Variants in PARD3B observed in about 807,000 individuals in gnomAD.
The protein encoded by PARD3B is partitioning defective 3 homolog B.
A neutral mutation model predicts 130.2 loss-of-function variants in PARD3B; 103 were observed. The observed-to-expected ratio is 0.79, with a 90% CI of 0.67 to 0.93. The LOEUF is 0.93. PARD3B is among the 40% of genes least tolerant of loss of function. The pLI, the probability that PARD3B is intolerant of heterozygous loss-of-function variation, is 0.00. For missense variants in PARD3B, 1,609 were observed against 1,499.2 expected, an observed-to-expected ratio of 1.07 and a Z score of -1.21; for synonymous variants, 583 against 553.2, an observed-to-expected ratio of 1.05 and a Z score of -0.76.
chr2:204,981,360 A>G (rs560699782), intron 3 of PARD3B, among the ~76,000 whole-genome samples: 1 of 152,230 alleles, frequency 6.6e-6, no homozygotes, highest in Non-Finnish European at 1.5e-5. Flanking sequence ...GTGTATGCAT[A>G]CAATGGAATA....
At chr2:205,384,817 C>G (rs1267113809) in intron 18 of PARD3B, among the ~76,000 whole-genome samples, 1 of 151,990 alleles carries the variant, frequency 6.6e-6, no homozygotes, top group Non-Finnish European at 1.5e-5. Flanking sequence ...AAGTGTAAAG[C>G]AAACAAAATT....
At chr2:204,753,519 A>AAACGGAAC (rs1186214626) in intron 2 of PARD3B, among the ~76,000 whole-genome samples, 1 of 148,494 alleles carries the variant, frequency 6.7e-6, no homozygotes, top group Non-Finnish European at 1.5e-5. Flanking sequence ...CAGTATAAAT[A>AAACGGAAC]AACGGAACCC....
intron 18 of PARD3B, among the ~76,000 whole-genome samples, chr2:205,316,794 T>C (rs773538999): frequency 2.6e-5 from 4 of 152,176 alleles, no homozygotes; most frequent in Non-Finnish European, 5.9e-5. Context: ...CTAGGTAAAA[T>C]GGAGAAATCT....
chr2:205,206,317 C>T (rs1422636602), intron 15 of PARD3B, among the ~76,000 whole-genome samples: 1 of 150,488 alleles, frequency 6.6e-6, no homozygotes, highest in Non-Finnish European at 1.5e-5. Flanking sequence ...CTGCACCCAC[C>T]AACTCGTCAT....
chr2:205,317,992 A>T (rs2042617087), intron 18 of PARD3B, among the ~76,000 whole-genome samples: 1 of 152,172 alleles, frequency 6.6e-6, no homozygotes, highest in Non-Finnish European at 1.5e-5. Flanking sequence ...AAGAATTCTT[A>T]AAAATATTAT....
chr2:205,291,256 C>G lies in PARD3B; in HGVS notation c.2186-9274C>G, dbSNP rs1020842356. 1.3e-5 allele frequency among the ~76,000 whole-genome samples: 2 copies of G among 152,184 alleles called. No individual in the cohort carries two copies. Among genetic ancestry groups the G allele is most frequent in the African/African-American group, 4.8e-5 (2 of 41,524 alleles). On this transcript the variant is annotated intron_variant, in intron 16 of 22. Transcript: ENST00000406610. The surrounding 1 kb of genome is among the most constrained non-coding windows in gnomAD (Gnocchi z 4.6). The stretch of plus-strand genomic sequence containing the variant: ...AAACAAACAAAAAAAGCAACAGCAA[C>G]GACAAAAAACACCAACACCACCAAC...
At chr2:205,528,770 G>A (rs546165419) in intron 21 of PARD3B, among the ~76,000 whole-genome samples, 37 of 152,214 alleles carry the variant, frequency 2.4e-4, no homozygotes, top group Middle Eastern at 3.4e-3. Context: ...GATTACAGGC[G>A]TGAGCCACCG....
intron 22 of PARD3B, among the ~76,000 whole-genome samples, chr2:205,556,078 C>A (rs2052869788): frequency 6.6e-6 from 1 of 152,054 alleles, no homozygotes; most frequent in East Asian, 1.9e-4. Context: ...CCAGCTCCAC[C>A]GCTGTCTCCT....
In PARD3B at chr2:204,673,690, C is replaced by T. The variant is rs1461291055; in HGVS notation, c.121-12491C>T. ...TTTAAAAATACAAACTGCCTGTACT[C>T]CCCATCCTCCTCATCCTACTGTATT... is the stretch of plus-strand genomic sequence containing the variant. On this transcript the variant is annotated intron_variant, in intron 1 of 22. Coordinates refer to ENST00000406610, the MANE Select transcript of PARD3B (RefSeq NM_001302769.2). The surrounding 1 kb of genome is among the most constrained non-coding windows in gnomAD (Gnocchi z 4.7). 6.6e-6 allele frequency among the ~76,000 whole-genome samples: 1 copy of T among 152,154 alleles called. No homozygotes were observed. The highest frequency in any genetic ancestry group is 1.5e-5 in the Non-Finnish European group (1 of 68,026).
At chr2:205,076,569 G>A (rs1299973337) in intron 4 of PARD3B, among the ~76,000 whole-genome samples, 1 of 152,130 alleles carries the variant, frequency 6.6e-6, no homozygotes, top group African/African-American at 2.4e-5. Context: ...GGCCTGTTAG[G>A]AGCCAGGCTG....
In PARD3B at chr2:204,686,265, G is replaced by T; in HGVS notation, c.205G>T (p.Val69Phe). ...TCCAGATGATGTCTTGGCAGATGTT[G>T]TTGAAGATAAAGACAAGGTAGATAA... ...LDPDDVLADV[V>F]EDKDKLIAVF... Residue 69 changes from valine to phenylalanine, a missense_variant, in exon 2 of 23, where the codon GTT becomes TTT. Coordinates refer to ENST00000406610, the MANE Select transcript of PARD3B (RefSeq NM_001302769.2). 6.2e-7 allele frequency: 1 copy of T among 1,609,652 alleles called. No individual in the cohort carries two copies.
At chr2:205,314,096 G>T (rs2042479683) in intron 18 of PARD3B, among the ~76,000 whole-genome samples, 1 of 151,990 alleles carries the variant, frequency 6.6e-6, no homozygotes, top group Non-Finnish European at 1.5e-5. Context: ...TGTCCTTGTG[G>T]GATGTTTACT....
chr2:205,184,342 A>T (rs2035972139), intron 13 of PARD3B, among the ~76,000 whole-genome samples: 1 of 152,184 alleles, frequency 6.6e-6, no homozygotes, highest in African/African-American at 2.4e-5. Flanking sequence ...TCAGGTACAT[A>T]TCTTATCAAA....
At chr2:205,467,810 C>A (rs1477750443) in intron 20 of PARD3B, among the ~76,000 whole-genome samples, 1 of 152,182 alleles carries the variant, frequency 6.6e-6, no homozygotes, top group Non-Finnish European at 1.5e-5. Context: ...ATGGTAGTTC[C>A]TGAAGCAGAA....
At chr2:204,556,961 A>G (rs1264989990) in intron 1 of PARD3B, among the ~76,000 whole-genome samples, 2 of 151,774 alleles carry the variant, frequency 1.3e-5, no homozygotes, top group African/African-American at 2.4e-5. Context: ...CTTGTTTTTG[A>G]TGATGTCCCA....
intron 2 of PARD3B, among the ~76,000 whole-genome samples, chr2:204,885,474 T>C (rs2046240215): frequency 6.6e-6 from 1 of 152,236 alleles, no homozygotes; most frequent in South Asian, 2.1e-4. Flanking sequence ...AAATTGTATG[T>C]CATTTTTTAA....
intron 2 of PARD3B, among the ~76,000 whole-genome samples, chr2:204,846,641 C>T (rs2044472265): frequency 6.7e-6 from 1 of 150,142 alleles, no homozygotes; most frequent in Non-Finnish European, 1.5e-5. Flanking sequence ...TCTCTTTCCC[C>T]AGCTATGTGT....
chr2:205,213,915 A>G (rs1036065908), intron 15 of PARD3B, among the ~76,000 whole-genome samples: 3 of 152,128 alleles, frequency 2.0e-5, no homozygotes, highest in Non-Finnish European at 2.9e-5. Flanking sequence ...GGAGGAATCT[A>G]TGAATAAATT....
chr2:205,526,318 CT>C (rs1238199348), intron 21 of PARD3B, among the ~76,000 whole-genome samples: 1 of 152,218 alleles, frequency 6.6e-6, no homozygotes, highest in Non-Finnish European at 1.5e-5. Flanking sequence ...AACTGCTCCC[CT>C]GATATCTGTA....
Sources: gnomAD v4.1 joint callset for allele counts (sites outside exome capture counted in the v4.1 genomes callset) on GRCh38, gnomAD v4.1.1 for gene constraint, Gnocchi (gnomAD v3.1) non-coding constraint, MANE v1.5 for transcripts, NCBI Gene and HGNC (gene_info 2026-07-23, HGNC 2026-07-21) for gene names.